Variants in SLC17A2 observed in about 807,000 individuals in gnomAD.
The protein encoded by SLC17A2 is solute carrier family 17 member 2.
In SLC17A2, 38 loss-of-function variants were observed where a neutral mutation model predicts 52.1. The observed-to-expected ratio is 0.73, with a 90% CI of 0.56 to 0.96. SLC17A2 has a LOEUF of 0.96. SLC17A2 is among the 40% of genes least tolerant of loss of function. The pLI, the probability that SLC17A2 is intolerant of heterozygous loss-of-function variation, is 0.00. For missense variants in SLC17A2, 508 were observed against 583.9 expected, an observed-to-expected ratio of 0.87 and a Z score of 1.34; for synonymous variants, 226 against 211.9, an observed-to-expected ratio of 1.07 and a Z score of -0.58.
intron 3 of SLC17A2, among the ~76,000 whole-genome samples, chr6:25,922,209 G>C (rs1416533439): frequency 6.6e-6 from 1 of 152,020 alleles, no homozygotes; most frequent in Admixed American, 6.5e-5. Context: ...TGAGAATCAA[G>C]ATTTGAGGAT....
Position 25,925,817 on chromosome 6 carries a change from T to A in SLC17A2, c.-21A>T, listed in dbSNP as rs758677397. 6.2e-7 allele frequency: 1 copy of A among 1,613,918 alleles called. No homozygotes were observed. The highest frequency in any genetic ancestry group is 8.5e-7 in the Non-Finnish European group (1 of 1,179,750). On this transcript the variant is annotated 5_prime_UTR_variant, in exon 2 of 12. Coordinates refer to ENST00000377850, the MANE Select transcript of SLC17A2 (RefSeq NM_001286123.3). Reference sequence around the variant, plus strand: ...TCCATTTAGCTTCTGTGGGAAATGGTACCACGCTTTGTGGTGGAGTTTCCC... The same window carrying A: ...TCCATTTAGCTTCTGTGGGAAATGGAACCACGCTTTGTGGTGGAGTTTCCC...
chr6:25,925,869 C>T lies in SLC17A2; in HGVS notation c.-73G>A. The T allele has an allele frequency of 7.0e-7, 1 of 1,435,002 alleles. No homozygotes were observed. The highest frequency in any genetic ancestry group is 9.8e-7 in the Non-Finnish European group (1 of 1,016,600). The allele number at this position is 1,435,002 out of a possible 1,614,324, so 88.9% of individuals were successfully genotyped here. On this transcript the variant is annotated 5_prime_UTR_variant, in exon 2 of 12. Coordinates refer to ENST00000377850, the MANE Select transcript of SLC17A2 (RefSeq NM_001286123.3). ...GTGCCCTGAATCTCTTTTACTACGACAGTCTTTTATCTATGGAGAGAACAT... is the reference window on the plus strand; with the variant it reads ...GTGCCCTGAATCTCTTTTACTACGATAGTCTTTTATCTATGGAGAGAACAT...
chr6:25,916,917 C>G, intron 7 of SLC17A2, 52 bp downstream of exon 7: 1 of 1,607,472 alleles, frequency 6.2e-7, no homozygotes, highest in African/African-American at 1.3e-5. Context: ...GAGATCCACA[C>G]CCTGCCCTAG....
chr6:25,917,199 T>C (rs1766359383), intron 6 of SLC17A2, 112 bp from the exon 7 acceptor site: 1 of 760,342 alleles, frequency 1.3e-6, no homozygotes, highest in African/African-American at 1.7e-5. Context: ...TTAATGCTTA[T>C]TCTACCATAA....
At chr6:25,920,868 G>T in intron 5 of SLC17A2, 138 bp downstream of exon 5, 1 of 706,144 alleles carries the variant, frequency 1.4e-6, no homozygotes, top group Non-Finnish European at 2.4e-6. Flanking sequence ...TTTCCTATTT[G>T]TGATGCAAGT....
At chr6:25,923,936 G>A in intron 2 of SLC17A2, 30 bp from the exon 3 acceptor site, 5 of 1,553,142 alleles carry the variant, frequency 3.2e-6, no homozygotes, top group Admixed American at 1.7e-5. Flanking sequence ...TATGTAGTGA[G>A]CATCCTGACT....
At position 25,915,979 on chromosome 6, in the gene SLC17A2, G is replaced by A. The variant is rs555746411; in HGVS notation, c.931-111C>T. The A allele has an allele frequency of 1.1e-4, 112 of 1,011,486 alleles. 1 individual carries two copies. The South Asian group carries it at 1.7e-3, about 16-fold the overall frequency. 62.7% of individuals were successfully genotyped at this position (1,011,486 alleles called of 1,614,324 possible). A position where few individuals can be genotyped will look rare whatever the true frequency, so the allele number is the denominator to read the frequency against. On this transcript the variant is annotated intron_variant, in intron 8 of 11. Coordinates refer to ENST00000377850, the MANE Select transcript of SLC17A2 (RefSeq NM_001286123.3). ...CCCCCATGATACTGTGGGTTGTTTG[G>A]GGGAAAATTAGCATCCTTTTTCACA... is the stretch of plus-strand genomic sequence containing the variant.
chr6:25,920,371 T>C (rs1766506807), intron 5 of SLC17A2, among the ~76,000 whole-genome samples: 2 of 152,182 alleles, frequency 1.3e-5, no homozygotes, highest in African/African-American at 4.8e-5. Context: ...AGCATAGTGA[T>C]TGAGAATGTC....
intron 5 of SLC17A2, among the ~76,000 whole-genome samples, chr6:25,920,551 A>C (rs776572646): frequency 2.0e-5 from 3 of 152,242 alleles, no homozygotes; most frequent in Non-Finnish European, 4.4e-5. Flanking sequence ...TAATGAGCTC[A>C]TAATAGAATA....
At chr6:25,918,805 T>G (rs1175551274) in intron 5 of SLC17A2, among the ~76,000 whole-genome samples, 1 of 152,242 alleles carries the variant, frequency 6.6e-6, no homozygotes, top group African/African-American at 2.4e-5. Flanking sequence ...TCAACACCAA[T>G]GTGACCAAAT....
intron 2 of SLC17A2, among the ~76,000 whole-genome samples, chr6:25,924,730 A>T (rs1333673095): frequency 6.6e-6 from 1 of 151,456 alleles, no homozygotes; most frequent in African/African-American, 2.4e-5. Context: ...AATCACTTGA[A>T]CCCAGGAGGC....
At chr6:25,916,909 G>A (rs1158212106) in intron 7 of SLC17A2, 60 bp downstream of exon 7, 34 of 1,608,296 alleles carry the variant, frequency 2.1e-5, no homozygotes, top group Non-Finnish European at 2.5e-5. Context: ...TCTCAGAGGA[G>A]ATCCACACCC....
intron 11 of SLC17A2, 146 bp from the exon 12 acceptor site, chr6:25,913,597 C>T: frequency 1.3e-6 from 1 of 750,278 alleles, no homozygotes; most frequent in Non-Finnish European, 2.1e-6. Flanking sequence ...GTTTATGAAA[C>T]TATTGGAAAC....
At position 25,913,210 on chromosome 6, in the gene SLC17A2, G is replaced by C; in HGVS notation, c.*107C>G. ...GCTCCCCAGGGAAGACTAACACACAGCCAGAGTTAAGAACTGCTGAGTCTA... is the reference window on the plus strand; with the variant it reads ...GCTCCCCAGGGAAGACTAACACACACCCAGAGTTAAGAACTGCTGAGTCTA... On this transcript the variant is annotated 3_prime_UTR_variant, in exon 12 of 12. Coordinates refer to ENST00000377850, the MANE Select transcript of SLC17A2 (RefSeq NM_001286123.3). 1 of 1,215,256 alleles carries C rather than the reference G, an allele frequency of 8.2e-7. No homozygotes were observed. The highest frequency in any genetic ancestry group is 2.3e-5 in the East Asian group (1 of 42,566). 75.3% of individuals were successfully genotyped at this position (1,215,256 alleles called of 1,614,324 possible).
chr6:25,916,638 C>T, intron 8 of SLC17A2, 47 bp downstream of exon 8: 3 of 1,496,720 alleles, frequency 2.0e-6, no homozygotes, highest in Non-Finnish European at 2.8e-6. Context: ...AACTGTTTCT[C>T]CTTATTACCA....
intron 11 of SLC17A2, 120 bp from the exon 12 acceptor site, chr6:25,913,571 G>T: frequency 1.1e-6 from 1 of 923,382 alleles, no homozygotes; most frequent in Non-Finnish European, 1.6e-6. Context: ...ACAATGTGCA[G>T]TAGTTACTTA....
At chr6:25,929,775 A>G (rs898881309) in intron 1 of SLC17A2, among the ~76,000 whole-genome samples, 2 of 151,954 alleles carry the variant, frequency 1.3e-5, no homozygotes, top group Non-Finnish European at 2.9e-5. Flanking sequence ...CTTATTCATA[A>G]CTTTGGTCAT....
Position 25,916,755 on chromosome 6 carries a change from C to G in SLC17A2, c.860G>C (p.Trp287Ser), listed in dbSNP as rs746471212. 1.9e-6 allele frequency: 3 copies of G among 1,613,934 alleles called. No homozygotes were observed. The highest frequency in any genetic ancestry group is 2.5e-6 in the Non-Finnish European group (3 of 1,179,878). ...AIFLGFFSHFWLCTIILTYLP... is the reference protein window; with the variant it reads ...AIFLGFFSHFSLCTIILTYLP... ...GTATGTTAGGATGATGGTGCACAAC[C>G]AGAAATGGCTGAAAAAACCCAGGAA... is the stretch of plus-strand genomic sequence containing the variant. The change falls in exon 8 of 12, where the codon TGG (tryptophan) becomes TCG (serine). Residue 287 changes from tryptophan to serine, a missense_variant. Physicochemically the swap from Trp to Ser is radical, Grantham distance 177. Transcript: ENST00000377850.
At chr6:25,914,019 T>C (rs1235575525) in intron 11 of SLC17A2, among the ~76,000 whole-genome samples, 1 of 152,188 alleles carries the variant, frequency 6.6e-6, no homozygotes, top group East Asian at 1.9e-4. Context: ...AAAACTTCTC[T>C]TTGTAAGTTG....
Sources: allele counts gnomAD v4.1 joint callset (sites outside exome capture counted in the v4.1 genomes callset), GRCh38; gene constraint gnomAD v4.1.1; transcripts MANE v1.5; gene names NCBI Gene and HGNC (gene_info 2026-07-23, HGNC 2026-07-21).